The following PDS5B variants were observed in gnomAD, a reference collection of about 807,000 sequenced individuals.
PDS5B encodes sister chromatid cohesion protein PDS5 homolog B.
In PDS5B, 51 loss-of-function variants were observed where a neutral mutation model predicts 184.1. That is an observed-to-expected ratio of 0.28 (90% CI 0.22 to 0.35). PDS5B has a LOEUF of 0.35. PDS5B is among the 10% of genes least tolerant of loss of function. The pLI is 1.00. For missense variants in PDS5B, 1,180 were observed against 1,723.3 expected (o/e 0.68, Z 5.58); for synonymous variants, 566 against 569.2 (o/e 0.99, Z 0.08).
chr13:32,747,725 A>G (rs907840788), intron 24 of PDS5B, among the ~76,000 whole-genome samples: 1 of 152,208 alleles, frequency 6.6e-6, no homozygotes, highest in South Asian at 2.1e-4. Flanking sequence ...AGAAACCAAC[A>G]TATGTAATTA....
intron 9 of PDS5B, among the ~76,000 whole-genome samples, chr13:32,676,345 A>G (rs1227035781): frequency 3.9e-5 from 6 of 152,186 alleles, no homozygotes; most frequent in Non-Finnish European, 1.5e-5. Flanking sequence ...CAGAGTGAAT[A>G]AAGAAATGAC....
At chr13:32,709,516 T>C (rs1161882862) in intron 18 of PDS5B, among the ~76,000 whole-genome samples, 2 of 152,100 alleles carry the variant, frequency 1.3e-5, no homozygotes, top group Admixed American at 6.5e-5. Flanking sequence ...ATTGGAACTT[T>C]ATAGACTTTT....
At chr13:32,706,275 C>T (rs1237791328) in intron 17 of PDS5B, among the ~76,000 whole-genome samples, 1 of 132,194 alleles carries the variant, frequency 7.6e-6, no homozygotes, top group East Asian at 2.2e-4. Flanking sequence ...GAAACTTCGT[C>T]TCAAAAATAA....
intron 1 of PDS5B, among the ~76,000 whole-genome samples, chr13:32,601,233 A>C (rs2057969739): frequency 6.6e-6 from 1 of 152,054 alleles, no homozygotes; most frequent in South Asian, 2.1e-4. Context: ...CAGGGTTTAT[A>C]ATTGCTATTT....
intron 2 of PDS5B, 57 bp downstream of exon 2, chr13:32,648,937 A>G (rs556334040): frequency 2.4e-6 from 2 of 817,428 alleles, no homozygotes; most frequent in South Asian, 2.7e-5. Context: ...CCCTGTGGAA[A>G]TCACATGGGG....
chr13:32,747,535 C>T (rs939878315), intron 24 of PDS5B, among the ~76,000 whole-genome samples: 10 of 148,082 alleles, frequency 6.8e-5, no homozygotes, highest in African/African-American at 2.0e-4. Context: ...TGCAGTGAGC[C>T]GAGGTCGTGC....
intron 1 of PDS5B, among the ~76,000 whole-genome samples, chr13:32,595,847 T>C (rs1042990962): frequency 4.6e-5 from 7 of 152,208 alleles, no homozygotes; most frequent in African/African-American, 1.7e-4. Context: ...GGCTTACATC[T>C]GTAATTCCAG....
intron 19 of PDS5B, among the ~76,000 whole-genome samples, chr13:32,728,009 TA>T (rs1203092602): frequency 1.3e-5 from 2 of 151,978 alleles, no homozygotes; most frequent in African/African-American, 4.8e-5. Flanking sequence ...TTTATTTTGA[TA>T]GTTTCTATTG....
In PDS5B at chr13:32,694,292, T is replaced by G. The variant is rs1246265175; in HGVS notation, c.1539T>G (p.Ile513Met). ...RHQVKDLLDLIKQPKTDASVK... is the reference protein window; with the variant it reads ...RHQVKDLLDLMKQPKTDASVK... ...AAGTAAAGGATTTGCTTGACTTGAT[T>G]AAGCAACCCAAAGTAAGTAAGAATT... Residue 513 changes from isoleucine (I) to methionine (M), a missense_variant, in exon 14 of 35, where the codon ATT becomes ATG. Physicochemically the swap from Ile to Met is conservative, Grantham distance 10. Around this residue, in one of 11 missense-constraint regions of PDS5B, gnomAD observed 475 missense variants for 691.5 expected, o/e 0.69. Transcript: ENST00000315596. 3 of 1,591,396 alleles carry G rather than the reference T, an allele frequency of 1.9e-6. No individual in the cohort carries two copies. The highest frequency in any genetic ancestry group is 2.6e-6 in the Non-Finnish European group (3 of 1,168,780).
At chr13:32,652,145 G>GTTT (rs34522910) in intron 3 of PDS5B, 138 bp downstream of exon 3, 504 of 472,606 alleles carry the variant, frequency 1.1e-3, no homozygotes, top group South Asian at 2.1e-3. Context: ...TAAACTTAAT[G>GTTT]TTTTTTTTTT....
intron 20 of PDS5B, 145 bp from the exon 21 acceptor site, chr13:32,735,027 A>G: frequency 4.1e-6 from 2 of 488,538 alleles, no homozygotes; most frequent in Admixed American, 7.9e-5. Flanking sequence ...TATACTATGT[A>G]TATTTATTGA....
intron 23 of PDS5B, 79 bp downstream of exon 23, chr13:32,742,806 CTTTT>C: frequency 8.0e-7 from 1 of 1,254,292 alleles, no homozygotes; most frequent in Non-Finnish European, 1.1e-6. Context: ...GGTGCTGTTT[CTTTT>C]TCTTTTTTTT....
chr13:32,681,456 CT>C (rs1383964861), intron 10 of PDS5B, among the ~76,000 whole-genome samples: 2 of 152,064 alleles, frequency 1.3e-5, no homozygotes, highest in African/African-American at 4.8e-5. Context: ...AACCCCACCT[CT>C]ACTAAAAAAT....
intron 11 of PDS5B, 29 bp from the exon 12 acceptor site, chr13:32,687,105 C>T (rs768598227): frequency 1.9e-6 from 3 of 1,547,668 alleles, no homozygotes; most frequent in Non-Finnish European, 2.6e-6. Flanking sequence ...AGCCTTTTTA[C>T]ATTATAAATA....
rs1954952106 is a variant in PDS5B at position 32,776,200 on chromosome 13, G to A, written c.*1148G>A. The A allele has an allele frequency of 6.6e-6, 1 of 152,626 alleles. No homozygotes were observed. The highest frequency in any genetic ancestry group is 2.4e-5 in the African/African-American group (1 of 41,372). 9.5% of individuals were successfully genotyped at this position (152,626 alleles called of 1,614,324 possible). A position where few individuals can be genotyped will look rare whatever the true frequency, so the allele number is the denominator to read the frequency against. On this transcript the variant is annotated 3_prime_UTR_variant, in exon 35 of 35. Coordinates refer to ENST00000315596, the MANE Select transcript of PDS5B (RefSeq NM_015032.4). The stretch of plus-strand genomic sequence containing the variant: ...TTCTGTAAATTCATATTTAGCCATA[G>A]TATATGATAGATTGCCCCATAACAT...
intron 13 of PDS5B, chr13:32,689,648 A>G (rs1467997207): frequency 6.6e-6 from 1 of 152,212 alleles, no homozygotes; most frequent in Non-Finnish European, 1.5e-5. Flanking sequence ...CACAAGGAAT[A>G]AGAGGGAGCC....
chr13:32,697,442 A>T (rs1450308792), intron 15 of PDS5B, among the ~76,000 whole-genome samples: 1 of 152,180 alleles, frequency 6.6e-6, no homozygotes, highest in African/African-American at 2.4e-5. Context: ...ACCTGGAGGA[A>T]TACTTCTGCT....
chr13:32,598,240 T>A (rs1301724645), intron 1 of PDS5B, among the ~76,000 whole-genome samples: 1 of 151,614 alleles, frequency 6.6e-6, no homozygotes, highest in Non-Finnish European at 1.5e-5. Flanking sequence ...GCCCAGCAAA[T>A]TTTTTTGTAT....
chr13:32,642,763 TG>T (rs1306226371), intron 1 of PDS5B, among the ~76,000 whole-genome samples: 5 of 152,308 alleles, frequency 3.3e-5, no homozygotes, highest in East Asian at 3.9e-4. Context: ...TTATTCAGAA[TG>T]TTTTTTTCTG....
Sources: allele counts gnomAD v4.1 joint callset (sites outside exome capture counted in the v4.1 genomes callset), GRCh38; gene constraint gnomAD v4.1.1; regional missense constraint gnomAD v4.1.1; transcripts MANE v1.5; gene names NCBI Gene and HGNC (gene_info 2026-07-23, HGNC 2026-07-21).